Variants in EPB41 observed in about 807,000 individuals in gnomAD.
EPB41 encodes erythrocyte membrane protein band 4.1.
EPB41 carries 65 observed loss-of-function variants against 108.0 expected under a neutral mutation model. That is an observed-to-expected ratio of 0.60 (90% CI 0.49 to 0.74). The LOEUF is 0.74. EPB41 is among the 30% of genes least tolerant of loss of function. The pLI is 0.00. For synonymous variants in EPB41, 336 were observed against 358.9 expected (o/e 0.94, Z 0.72); for missense variants, 875 against 1,037.0 (o/e 0.84, Z 2.15).
At chr1:28,944,504 C>A (rs1467360792) in intron 1 of EPB41, among the ~76,000 whole-genome samples, 4 of 142,914 alleles carry the variant, frequency 2.8e-5, no homozygotes, top group Non-Finnish European at 3.0e-5. Flanking sequence ...TGTGTACTCA[C>A]AATAATTAAA....
intron 7 of EPB41, among the ~76,000 whole-genome samples, chr1:29,021,571 G>C (rs547189535): frequency 6.6e-6 from 1 of 151,816 alleles, no homozygotes; most frequent in South Asian, 2.1e-4. Context: ...GAGCTGAATT[G>C]GCCATCTTTT....
chr1:28,976,357 AT>A (rs1488478776), intron 1 of EPB41, among the ~76,000 whole-genome samples: 1 of 151,906 alleles, frequency 6.6e-6, no homozygotes, highest in African/African-American at 2.4e-5. Context: ...TTGGAATCTA[AT>A]TTTTTTATTT....
At chr1:28,975,369 C>T (rs1483946988) in intron 1 of EPB41, among the ~76,000 whole-genome samples, 1 of 152,116 alleles carries the variant, frequency 6.6e-6, no homozygotes, top group African/African-American at 2.4e-5. Flanking sequence ...CTAAGGGCAG[C>T]AGGAGTTCTT....
chr1:28,937,483 C>T lies in EPB41; in HGVS notation c.-8+22715C>T, dbSNP rs1206480777. On this transcript the variant is annotated intron_variant, in intron 1 of 20. Coordinates refer to ENST00000343067, the MANE Select transcript of EPB41 (RefSeq NM_001376013.1). ...GATCTAGGCTTACTGCAACCTCTGC[C>T]TCACAGGCTCAAGTGATTCTCCTGC... is the stretch of plus-strand genomic sequence containing the variant. Among the ~76,000 whole-genome samples, 7 of 152,280 alleles carry T rather than the reference C, an allele frequency of 4.6e-5. No individual in the cohort carries two copies. The East Asian group carries it at 5.8e-4, about 13-fold the overall frequency.
At chr1:28,910,668 C>T (rs982235339), upstream of EPB41, among the ~76,000 whole-genome samples, 1 of 152,160 alleles carries the variant, frequency 6.6e-6, no homozygotes, top group African/African-American at 2.4e-5. Context: ...CTAATTTCAC[C>T]CTCTTATGTG....
At chr1:28,922,243 C>T (rs1284947251) in intron 1 of EPB41, among the ~76,000 whole-genome samples, 1 of 151,686 alleles carries the variant, frequency 6.6e-6, no homozygotes, top group African/African-American at 2.4e-5. Flanking sequence ...GCTCAGATCA[C>T]AGGCATGAAC....
chr1:28,998,677 G>A (rs2096237651), intron 4 of EPB41, among the ~76,000 whole-genome samples: 2 of 152,114 alleles, frequency 1.3e-5, no homozygotes, highest in Non-Finnish European at 2.9e-5. Context: ...TGAGCACTAG[G>A]TTAATATTAT....
At chr1:29,107,256 C>G (rs1667520068) in intron 17 of EPB41, among the ~76,000 whole-genome samples, 1 of 152,238 alleles carries the variant, frequency 6.6e-6, no homozygotes, top group East Asian at 1.9e-4. Context: ...GTCAGAGTGA[C>G]TTGCCCAAGG....
chr1:28,905,886 C>T (rs1460749694), intron 1 of EPB41, among the ~76,000 whole-genome samples: 3 of 148,348 alleles, frequency 2.0e-5, no homozygotes, highest in Non-Finnish European at 4.4e-5. Context: ...GGCGCGATCT[C>T]GGCTCTCTGA....
At chr1:28,952,987 C>A (rs1409802870) in intron 1 of EPB41, among the ~76,000 whole-genome samples, 2 of 152,186 alleles carry the variant, frequency 1.3e-5, no homozygotes, top group East Asian at 3.9e-4. Context: ...CCTCGGCCTC[C>A]CAAAGTGCCG....
At chr1:29,093,769 G>A (rs1410824534) in intron 16 of EPB41, among the ~76,000 whole-genome samples, 1 of 152,168 alleles carries the variant, frequency 6.6e-6, no homozygotes, top group Non-Finnish European at 1.5e-5. Flanking sequence ...GCCGTGCGTG[G>A]TGGCACACAC....
At chr1:29,093,820 G>A (rs1008446934) in intron 16 of EPB41, among the ~76,000 whole-genome samples, 5 of 152,214 alleles carry the variant, frequency 3.3e-5, no homozygotes, top group African/African-American at 7.2e-5. Context: ...CAGGAGAATC[G>A]CTTGAACTTA....
intron 7 of EPB41, among the ~76,000 whole-genome samples, chr1:29,021,318 C>T (rs532251324): frequency 6.6e-6 from 1 of 152,248 alleles, no homozygotes; most frequent in South Asian, 2.1e-4. Context: ...GCAGTTGGAG[C>T]AAACTGTACT....
intron 11 of EPB41, among the ~76,000 whole-genome samples, chr1:29,052,188 C>T (rs1261473584): frequency 6.6e-6 from 1 of 152,146 alleles, no homozygotes; most frequent in African/African-American, 2.4e-5. Context: ...TTTATTCTCT[C>T]TAAAACAGTC....
At chr1:28,944,226 C>T (rs191940944) in intron 1 of EPB41, among the ~76,000 whole-genome samples, 73 of 151,362 alleles carry the variant, frequency 4.8e-4, no homozygotes, top group African/African-American at 1.7e-3. Context: ...AGTGTGGAGG[C>T]GGGGGCTGGG....
At chr1:29,096,443 T>A in intron 16 of EPB41, 2 of 985,910 alleles carry the variant, frequency 2.0e-6, no homozygotes, top group South Asian at 9.4e-5. Flanking sequence ...TGCCTTAAAG[T>A]TCTCAGTAAC....
intron 2 of EPB41, among the ~76,000 whole-genome samples, chr1:28,989,014 T>A (rs1459512451): frequency 4.6e-5 from 7 of 152,222 alleles, no homozygotes; most frequent in African/African-American, 1.7e-4. Context: ...TGTGGAATTA[T>A]TAGGAACAGG....
intron 1 of EPB41, among the ~76,000 whole-genome samples, chr1:28,958,819 CAAAAAA>C (rs35105287): frequency 2.0e-4 from 13 of 65,762 alleles, no homozygotes; most frequent in African/African-American, 4.1e-4. Flanking sequence ...ACCCTGTCTC[CAAAAAA>C]AAAAAAAAAA....
intron 1 of EPB41, among the ~76,000 whole-genome samples, chr1:28,979,055 C>G (rs1360972255): frequency 6.6e-6 from 1 of 151,342 alleles, no homozygotes; most frequent in Non-Finnish European, 1.5e-5. Flanking sequence ...CTCTGGAGAA[C>G]CCTGACTAAT....
Sources: gnomAD v4.1 joint callset for allele counts (sites outside exome capture counted in the v4.1 genomes callset) on GRCh38, gnomAD v4.1.1 for gene constraint, MANE v1.5 for transcripts, NCBI Gene and HGNC (gene_info 2026-07-23, HGNC 2026-07-21) for gene names.